The following PRPSAP2 variants were observed in gnomAD, a reference collection of about 807,000 sequenced individuals.
PRPSAP2 encodes the protein phosphoribosyl pyrophosphate synthase-associated protein 2.
PRPSAP2 carries 24 observed loss-of-function variants against 40.6 expected under a neutral mutation model. The ratio of observed to expected loss-of-function variants is 0.59; its 90% CI spans 0.43 to 0.83. The LOEUF (loss-of-function observed/expected upper bound fraction) is 0.83, where lower values mean the gene tolerates loss of function less well. Ranked by LOEUF, PRPSAP2 falls within the 40% of genes least tolerant of loss-of-function variation. PRPSAP2 has a pLI of 0.00. For missense variants in PRPSAP2, 292 were observed against 465.6 expected, an observed-to-expected ratio of 0.63 and a Z score of 3.43; for synonymous variants, 149 against 164.7, an observed-to-expected ratio of 0.90 and a Z score of 0.73.
At chr17:18,890,336 ATT>A (rs1252403939) in intron 8 of PRPSAP2, among the ~76,000 whole-genome samples, 1 of 150,772 alleles carries the variant, frequency 6.6e-6, no homozygotes, top group Non-Finnish European at 1.5e-5. Flanking sequence ...TGCCTGGCTA[ATT>A]TTTGTATTTT....
intron 4 of PRPSAP2, among the ~76,000 whole-genome samples, chr17:18,868,802 C>T (rs1234732847): frequency 6.6e-6 from 1 of 151,300 alleles, no homozygotes; most frequent in Non-Finnish European, 1.5e-5. Context: ...AGCAGTTCTC[C>T]TATTTCAGCC....
chr17:18,894,568 C>T (rs1387010022), intron 8 of PRPSAP2, among the ~76,000 whole-genome samples: 6 of 150,978 alleles, frequency 4.0e-5, no homozygotes, highest in African/African-American at 1.2e-4. Context: ...CACCCTCCGC[C>T]TCCTGGGTTT....
chr17:18,910,115 G>A (rs1172318500), intron 8 of PRPSAP2, among the ~76,000 whole-genome samples: 5 of 151,998 alleles, frequency 3.3e-5, no homozygotes, highest in Non-Finnish European at 7.4e-5. Context: ...CAAAACATGT[G>A]CTGCGTAAAA....
chr17:18,885,805 T>C (rs1391024329), intron 7 of PRPSAP2, among the ~76,000 whole-genome samples: 1 of 152,214 alleles, frequency 6.6e-6, no homozygotes, highest in Non-Finnish European at 1.5e-5. Flanking sequence ...CAGGCTGGTC[T>C]CGAACTCCTG....
intron 5 of PRPSAP2, 141 bp from the exon 6 acceptor site, chr17:18,877,557 A>T: frequency 1.5e-6 from 1 of 683,302 alleles, no homozygotes; most frequent in Non-Finnish European, 2.3e-6. Flanking sequence ...GCCTGAGAAA[A>T]GAGGAATTTA....
At chr17:18,881,734 A>G (rs1439417309) in intron 6 of PRPSAP2, among the ~76,000 whole-genome samples, 2 of 150,766 alleles carry the variant, frequency 1.3e-5, no homozygotes, top group East Asian at 2.0e-4. Context: ...GGGTTTTGCC[A>G]TGTTCCCCAG....
intron 4 of PRPSAP2, among the ~76,000 whole-genome samples, chr17:18,871,723 C>A (rs901603217): frequency 9.4e-5 from 14 of 148,806 alleles, no homozygotes; most frequent in Non-Finnish European, 1.8e-4. Context: ...TGCAATGGCA[C>A]AATCTCGGCT....
chr17:18,874,837 G>C (rs374442512), intron 5 of PRPSAP2, among the ~76,000 whole-genome samples: 262 of 152,326 alleles, frequency 1.7e-3, no homozygotes, highest in African/African-American at 6.1e-3. Context: ...GGCGGGCACA[G>C]AACAACTTAA....
In PRPSAP2 at chr17:18,898,620, G is replaced by A. The variant is rs545506533; in HGVS notation, c.584+8743G>A. The stretch of plus-strand genomic sequence containing the variant: ...AAAGTTTTTGTGTCACTTTCTTTTG[G>A]TCACTGTGGTTTCTGATGAGAAGTT... On this transcript the variant is annotated intron_variant, in intron 8 of 11. Transcript: ENST00000268835. Among the ~76,000 whole-genome samples, 48 of 152,230 alleles carry A rather than the reference G, an allele frequency of 3.2e-4. 1 individual carries two copies. The highest frequency in any genetic ancestry group is 2.7e-3 in the South Asian group (13 of 4,818).
At chr17:18,926,083 G>A (rs575129169) in intron 10 of PRPSAP2, among the ~76,000 whole-genome samples, 5 of 151,554 alleles carry the variant, frequency 3.3e-5, no homozygotes, top group African/African-American at 1.2e-4. Flanking sequence ...AGGCGACTGA[G>A]CAAGACTCTG....
intron 5 of PRPSAP2, among the ~76,000 whole-genome samples, chr17:18,873,985 A>G (rs187804196): frequency 8.4e-4 from 127 of 151,998 alleles, no homozygotes; most frequent in African/African-American, 2.6e-3. Flanking sequence ...ACTCACTACA[A>G]CTTCAAACTC....
At chr17:18,878,282 C>A (rs1251445391) in intron 6 of PRPSAP2, among the ~76,000 whole-genome samples, 1 of 152,092 alleles carries the variant, frequency 6.6e-6, no homozygotes, top group Non-Finnish European at 1.5e-5. Flanking sequence ...GCCTGCAATC[C>A]CAATGCTTTG....
rs1442272464 is a variant in PRPSAP2, at chr17:18,911,037, C to G, written c.585-66C>G. 6.7e-7 allele frequency: 1 copy of G among 1,492,668 alleles called. No individual in the cohort carries two copies. The highest frequency in any genetic ancestry group is 2.1e-5 in the Admixed American group (1 of 46,712). 92.5% of individuals were successfully genotyped at this position (1,492,668 alleles called of 1,614,324 possible). A position where few individuals can be genotyped will look rare whatever the true frequency, so the allele number is the denominator to read the frequency against. On this transcript the variant is annotated intron_variant, in intron 8 of 11. Transcript: ENST00000268835. This position sits in a 1 kb window ranked among gnomAD's most constrained non-coding sequence, Gnocchi z 4.5. ...TACTTATGTTCTCTTAATGTTTTGTCCCCTAGGCATTAGCAGAACCAAGGG... is the reference window on the plus strand; with the variant it reads ...TACTTATGTTCTCTTAATGTTTTGTGCCCTAGGCATTAGCAGAACCAAGGG...
chr17:18,864,685 T>C lies in PRPSAP2; in HGVS notation c.-128-784T>C, dbSNP rs1014715838. Among the ~76,000 whole-genome samples, 38 of 145,034 alleles carry C rather than the reference T, an allele frequency of 2.6e-4. 1 individual carries two copies. Among genetic ancestry groups the C allele is most frequent in the East Asian group, 2.1e-4 (1 of 4,838 alleles). ...AAAAGATTAGCTTAGTTTCAGCTCATTGATGATCTACACCAGCCTTCCCAG... is the reference window on the plus strand; with the variant it reads ...AAAAGATTAGCTTAGTTTCAGCTCACTGATGATCTACACCAGCCTTCCCAG... On this transcript the variant is annotated intron_variant, in intron 1 of 11. Transcript: ENST00000268835.
intron 7 of PRPSAP2, among the ~76,000 whole-genome samples, chr17:18,886,359 CTT>C (rs772700765): frequency 1.4e-5 from 2 of 143,796 alleles, no homozygotes; most frequent in Non-Finnish European, 1.5e-5. Flanking sequence ...GCCATCTATA[CTT>C]TTTTTTTTTT....
intron 9 of PRPSAP2, among the ~76,000 whole-genome samples, chr17:18,920,345 T>C (rs2041625337): frequency 6.6e-6 from 1 of 152,192 alleles, no homozygotes; most frequent in African/African-American, 2.4e-5. Context: ...GGAAATGAGT[T>C]CATAGGACTG....
chr17:18,897,804 T>G (rs1597656279), intron 8 of PRPSAP2, among the ~76,000 whole-genome samples: 1 of 151,932 alleles, frequency 6.6e-6, no homozygotes, highest in Non-Finnish European at 1.5e-5. Flanking sequence ...GCTGTTTTAA[T>G]AGTTGTTCTA....
intron 2 of PRPSAP2, 68 bp from the exon 3 acceptor site, chr17:18,865,734 T>TA (rs373939216): frequency 2.5e-5 from 26 of 1,052,498 alleles, no homozygotes; most frequent in Middle Eastern, 3.4e-4. Flanking sequence ...TCATTTCCTT[T>TA]AAAAAAAATT....
chr17:18,928,506 A>T (rs1254385100), intron 10 of PRPSAP2: 2 of 382,458 alleles, frequency 5.2e-6, no homozygotes, highest in Non-Finnish European at 1.0e-5. Flanking sequence ...TGTGACCTGC[A>T]TTGTGACAGC....
Sources: allele counts gnomAD v4.1 joint callset (sites outside exome capture counted in the v4.1 genomes callset), GRCh38; gene constraint gnomAD v4.1.1; non-coding constraint Gnocchi (gnomAD v3.1); transcripts MANE v1.5; gene names NCBI Gene and HGNC (gene_info 2026-07-23, HGNC 2026-07-21).